Variants in SPMIP2 observed in about 807,000 individuals in gnomAD.
SPMIP2 encodes sperm microtubule inner protein 2, also known as protein SPMIP2.
the SPMIP2 span, among the ~76,000 whole-genome samples, chr4:159,032,781 C>CT: frequency 0.47 from 66,583 of 140,346 alleles, 15,421 homozygotes; most frequent in Middle Eastern, 0.51. Context: ...AATGACCTTT[C>CT]TTTTTTTTTT....
At chr4:158,973,737 C>T in the SPMIP2 span, among the ~76,000 whole-genome samples, 1 of 151,864 alleles carries the variant, frequency 6.6e-6, no homozygotes, top group African/African-American at 2.4e-5. Flanking sequence ...GCCTGTAATC[C>T]CAGCACTTTG....
chr4:159,071,417 C>T, the SPMIP2 span, among the ~76,000 whole-genome samples: 1 of 152,050 alleles, frequency 6.6e-6, no homozygotes, highest in Non-Finnish European at 1.5e-5. Flanking sequence ...ACAGGAGGAG[C>T]CTTGGATTTA....
chr4:158,913,846 T>TAA, the SPMIP2 span, among the ~76,000 whole-genome samples: 10 of 134,430 alleles, frequency 7.4e-5, no homozygotes, highest in Admixed American at 1.5e-4. Context: ...CCCCATATCT[T>TAA]AAAAAAAAAA....
chr4:159,059,680 AT>A, the SPMIP2 span, among the ~76,000 whole-genome samples: 1 of 152,340 alleles, frequency 6.6e-6, no homozygotes, highest in Middle Eastern at 3.4e-3. Flanking sequence ...GGCTGAGTTA[AT>A]TTTAAAATGC....
the SPMIP2 span, among the ~76,000 whole-genome samples, chr4:158,941,532 C>G: frequency 6.6e-6 from 1 of 152,052 alleles, no homozygotes; most frequent in Non-Finnish European, 1.5e-5. Context: ...GGTGGTACCT[C>G]CCTGTAATCT....
the SPMIP2 span, among the ~76,000 whole-genome samples, chr4:158,953,065 A>G: frequency 1.3e-5 from 2 of 152,246 alleles, no homozygotes; most frequent in Non-Finnish European, 2.9e-5. Flanking sequence ...ATTTTCTGAC[A>G]TGAAATTCAA....
the SPMIP2 span, among the ~76,000 whole-genome samples, chr4:159,025,576 C>T: frequency 6.6e-6 from 1 of 152,008 alleles, no homozygotes; most frequent in Non-Finnish European, 1.5e-5. Context: ...TAAAAACCTG[C>T]TTATGGCTTC....
the SPMIP2 span, chr4:158,973,144 C>G: frequency 6.2e-6 from 10 of 1,612,468 alleles, no homozygotes; most frequent in Non-Finnish European, 8.5e-6. Context: ...ATTCTCCAAC[C>G]AATTTCACTG....
the SPMIP2 span, among the ~76,000 whole-genome samples, chr4:158,959,686 C>A: frequency 6.6e-6 from 1 of 152,144 alleles, no homozygotes; most frequent in South Asian, 2.1e-4. Context: ...AAGAGCAATG[C>A]TGATTGATCT....
chr4:158,928,032 GC>G, the SPMIP2 span, among the ~76,000 whole-genome samples: 1 of 152,156 alleles, frequency 6.6e-6, no homozygotes, highest in South Asian at 2.1e-4. Context: ...AATGAGCGCC[GC>G]CCCCTGCTCC....
At chr4:158,895,748 AGT>A in the SPMIP2 span, 1 of 1,589,030 alleles carries the variant, frequency 6.3e-7, no homozygotes, top group Non-Finnish European at 8.6e-7. Context: ...TTGGCTTTGC[AGT>A]GCATCATGCA....
the SPMIP2 span, among the ~76,000 whole-genome samples, chr4:159,017,779 G>A: frequency 6.6e-6 from 1 of 152,222 alleles, no homozygotes; most frequent in African/African-American, 2.4e-5. Context: ...AAGTGATTCA[G>A]ATGCTGGAGA....
chr4:158,965,560 C>A, the SPMIP2 span, among the ~76,000 whole-genome samples: 1 of 152,000 alleles, frequency 6.6e-6, no homozygotes, highest in Admixed American at 6.6e-5. Context: ...TATGCTCCCC[C>A]CAAGTTAATT....
chr4:158,907,910 A>AATTG, the SPMIP2 span: 2 of 152,212 alleles, frequency 1.3e-5, no homozygotes, highest in African/African-American at 4.8e-5. Context: ...CCATAAGAGA[A>AATTG]ATTGATAGGA....
chr4:159,026,561 T>C, the SPMIP2 span: 4 of 496,988 alleles, frequency 8.0e-6, no homozygotes, highest in Admixed American at 2.6e-5. Flanking sequence ...GAAATAGCTA[T>C]GAAAATCAAC....
the SPMIP2 span, among the ~76,000 whole-genome samples, chr4:159,076,478 C>T: frequency 6.6e-6 from 1 of 151,858 alleles, no homozygotes; most frequent in Non-Finnish European, 1.5e-5. Context: ...ATGAAAAAAC[C>T]CAGCATATTA....
the SPMIP2 span, among the ~76,000 whole-genome samples, chr4:159,034,848 G>A: frequency 7.2e-5 from 11 of 151,764 alleles, no homozygotes; most frequent in Middle Eastern, 3.4e-3. Context: ...CCGAGATCGC[G>A]CCATTGTACT....
At chr4:158,927,568 G>C in the SPMIP2 span, among the ~76,000 whole-genome samples, 12 of 152,188 alleles carry the variant, frequency 7.9e-5, no homozygotes, top group Admixed American at 7.2e-4. Flanking sequence ...CCTCGCTCTC[G>C]GCGCCTCCTC....
chr4:158,997,602 G>A, the SPMIP2 span, among the ~76,000 whole-genome samples: 1 of 152,218 alleles, frequency 6.6e-6, no homozygotes, highest in Non-Finnish European at 1.5e-5. Context: ...CCTCACAAAA[G>A]GCAAGGGAGA....
Sources: allele counts gnomAD v4.1 joint callset (sites outside exome capture counted in the v4.1 genomes callset), GRCh38; gene constraint gnomAD v4.1.1; transcripts MANE v1.5; gene names NCBI Gene and HGNC (gene_info 2026-07-23, HGNC 2026-07-21).